The following YY1AP1 variants were observed in gnomAD, a reference collection of about 807,000 sequenced individuals.
YY1AP1 encodes YY1-associated protein 1.
A neutral mutation model predicts 39.9 loss-of-function variants in YY1AP1; 43 were observed. That is an observed-to-expected ratio of 1.08 (90% CI 0.84 to 1.39). YY1AP1 has a LOEUF of 1.39. Among genes scored for constraint, YY1AP1 ranks in the 40% most tolerant of loss-of-function variants. YY1AP1 has a pLI of 0.00. For missense variants in YY1AP1, 813 were observed against 900.7 expected, an observed-to-expected ratio of 0.90 and a Z score of 1.25; for synonymous variants, 292 against 331.3, an observed-to-expected ratio of 0.88 and a Z score of 1.29.
intron 2 of YY1AP1, among the ~76,000 whole-genome samples, chr1:155,684,700 C>T (rs1028983742): frequency 6.6e-6 from 1 of 152,008 alleles, no homozygotes; most frequent in Non-Finnish European, 1.5e-5. Flanking sequence ...ATTCTCGTGC[C>T]TCAGCTTCCC....
intron 3 of YY1AP1, 37 bp downstream of exon 3, chr1:155,680,379 T>C: frequency 6.2e-7 from 1 of 1,611,696 alleles, no homozygotes; most frequent in Non-Finnish European, 8.5e-7. Context: ...AGAACCAACT[T>C]ACAATCCCAT....
intron 5 of YY1AP1, 38 bp downstream of exon 5, chr1:155,676,510 G>C (rs1407940901): frequency 1.9e-6 from 3 of 1,611,408 alleles, no homozygotes; most frequent in Non-Finnish European, 2.5e-6. Flanking sequence ...TTAGGCCTTG[G>C]TATAATTCAA....
chr1:155,686,399 T>C (rs1457248336), intron 2 of YY1AP1, among the ~76,000 whole-genome samples: 1 of 151,948 alleles, frequency 6.6e-6, no homozygotes, highest in African/African-American at 2.4e-5. Context: ...GCCAAGAAGT[T>C]CCAACATCCA....
chr1:155,659,993 C>G lies in YY1AP1; in HGVS notation c.1917G>C (p.Val639=), dbSNP rs767630829. ...CATCAGCCACAGCACAAGCAATGTC[C>G]ACATTCATGTGGGCCTTATCTTCAG... is the stretch of plus-strand genomic sequence containing the variant. ...STPEDKAHMN[V]DIACAVADGE... The change falls in exon 11 of 11, where the codon GTG becomes GTC. Residue 639 remains valine (V), a synonymous_variant. Coordinates refer to ENST00000355499, the MANE Select transcript of YY1AP1 (RefSeq NM_139119.3). 6.2e-7 allele frequency: 1 copy of G among 1,614,188 alleles called. No homozygotes were observed. Among genetic ancestry groups the G allele is most frequent in the South Asian group, 1.1e-5 (1 of 91,078 alleles).
intron 5 of YY1AP1, among the ~76,000 whole-genome samples, chr1:155,676,115 G>A (rs933066361): frequency 6.6e-5 from 10 of 152,036 alleles, no homozygotes; most frequent in South Asian, 2.1e-4. Context: ...ACAGCTACTC[G>A]GGAGGCTGAG....
At position 155,676,536 on chromosome 1, in the gene YY1AP1, GGAAA is replaced by G. The variant is rs772104991; in HGVS notation, c.324+8_324+11del. On this transcript the variant is annotated splice_region_variant and intron_variant, in intron 5 of 10. Transcript: ENST00000355499. ...TATAATTCAATATTAATATGACCAA[GGAAA>G]GTGTTACCTGCTGCATCTGCTGCTG... 39 of 1,613,954 alleles carry G rather than the reference GGAAA, an allele frequency of 2.4e-5. No individual in the cohort carries two copies. The African/African-American group carries it at 4.3e-4, about 18-fold the overall frequency.
At chr1:155,673,846 C>A (rs1650211134) in intron 6 of YY1AP1, among the ~76,000 whole-genome samples, 1 of 151,978 alleles carries the variant, frequency 6.6e-6, no homozygotes, top group Admixed American at 6.6e-5. Context: ...AGCCACCATA[C>A]CTGGCCAAAT....
At position 155,659,869 on chromosome 1, in the gene YY1AP1, G is replaced by C; in HGVS notation, c.2041C>G (p.Pro681Ala). 2 of 1,614,244 alleles carry C rather than the reference G, an allele frequency of 1.2e-6. No homozygotes were observed. The highest frequency in any genetic ancestry group is 1.7e-6 in the Non-Finnish European group (2 of 1,180,046). The change falls in exon 11 of 11, where the codon CCT (proline) becomes GCT (alanine). Residue 681 changes from proline (P) to alanine (A), a missense_variant. Pro to Ala is a conservative substitution (Grantham distance 27). Transcript: ENST00000355499. ...TGGCACTGTTTATCGACTGGTGGAG[G>C]CCCTGGGCTATGTTCCACTTTGGGG... The part of the protein sequence containing the change: ...VFPKVEHSPG[P>A]PPVDKQCQEG...
intron 5 of YY1AP1, 64 bp from the exon 6 acceptor site, chr1:155,675,160 A>G (rs1650456064): frequency 6.6e-7 from 1 of 1,510,706 alleles, no homozygotes; most frequent in Non-Finnish European, 9.1e-7. Context: ...GAGCCCAGAG[A>G]TATTTTTTTT....
intron 9 of YY1AP1, among the ~76,000 whole-genome samples, chr1:155,664,007 T>TCTAC (rs1648566888): frequency 7.8e-6 from 1 of 127,738 alleles, no homozygotes. Context: ...AGACCATGTC[T>TCTAC]TAAAAAAAAA....
At chr1:155,679,631 G>A (rs573265176) in intron 3 of YY1AP1, 119 bp from the exon 4 acceptor site, 1 of 1,555,166 alleles carries the variant, frequency 6.4e-7, no homozygotes, top group South Asian at 1.2e-5. Context: ...CACCCAGAAA[G>A]AGCCTACATC....
chr1:155,670,913 C>T lies in YY1AP1; in HGVS notation c.584-449G>A, dbSNP rs370524966. The T allele has an allele frequency of 2.4e-3, 412 of 172,094 alleles. 6 individuals carry two copies. The highest frequency in any genetic ancestry group is 0.018 in the South Asian group (141 of 7,794). 10.7% of individuals were successfully genotyped at this position (172,094 alleles called of 1,614,324 possible). On this transcript the variant is annotated intron_variant, in intron 7 of 10. Coordinates refer to ENST00000355499, the MANE Select transcript of YY1AP1 (RefSeq NM_139119.3). ...GTCTTGATCTCCTGACCTTGTCATC[C>T]GACAGCCTCGGCCTCCTAAAGTGTT... is the stretch of plus-strand genomic sequence containing the variant.
intron 7 of YY1AP1, 75 bp downstream of exon 7, chr1:155,672,485 A>C (rs1650009001): frequency 6.2e-7 from 1 of 1,604,918 alleles, no homozygotes; most frequent in South Asian, 1.1e-5. Flanking sequence ...TATCCTAGGA[A>C]GTTATCTATG....
intron 4 of YY1AP1, among the ~76,000 whole-genome samples, chr1:155,677,433 A>ATTACTATACC (rs989450971): frequency 5.3e-5 from 8 of 152,262 alleles, no homozygotes; most frequent in South Asian, 2.1e-4. Flanking sequence ...TCTATGTATG[A>ATTACTATACC]TTACTATACC....
upstream of YY1AP1, chr1:155,688,813 GAC>G (rs1653180576): frequency 1.9e-6 from 3 of 1,563,656 alleles, no homozygotes; most frequent in African/African-American, 1.4e-5. Flanking sequence ...CCCACCGCGG[GAC>G]TGTTCCATTC....
chr1:155,670,768 G>A (rs1450281809), intron 7 of YY1AP1: 8 of 307,474 alleles, frequency 2.6e-5, no homozygotes, highest in Middle Eastern at 1.2e-3. Flanking sequence ...TCCGCCTCCC[G>A]GGTTCAGGCC....
intron 9 of YY1AP1, among the ~76,000 whole-genome samples, chr1:155,665,938 A>T (rs912193492): frequency 6.6e-6 from 1 of 152,164 alleles, no homozygotes; most frequent in Non-Finnish European, 1.5e-5. Context: ...CATGGAGAGC[A>T]ACACGCTTAA....
intron 5 of YY1AP1, 144 bp from the exon 6 acceptor site, chr1:155,675,240 C>T: frequency 1.6e-6 from 1 of 626,136 alleles, no homozygotes; most frequent in Non-Finnish European, 2.7e-6. Context: ...GACTCAATGC[C>T]CTCTCAACCA....
chr1:155,672,168 G>C, intron 7 of YY1AP1: 1 of 292,342 alleles, frequency 3.4e-6, no homozygotes, highest in Non-Finnish European at 6.7e-6. Context: ...AAAGTTAGTT[G>C]ATCTTAATGA....
Sources: allele counts gnomAD v4.1 joint callset (sites outside exome capture counted in the v4.1 genomes callset), GRCh38; gene constraint gnomAD v4.1.1; transcripts MANE v1.5; gene names NCBI Gene and HGNC (gene_info 2026-07-23, HGNC 2026-07-21).